PPP2R2C: variants seen among roughly 807,000 people sequenced by gnomAD.
The protein encoded by PPP2R2C is protein phosphatase 2 regulatory subunit Bgamma, also known as protein phosphatase 2, regulatory subunit B, gamma.
Under a neutral mutation model 45.3 loss-of-function variants are expected in PPP2R2C, and 10 were observed. The ratio of observed to expected loss-of-function variants is 0.22; its 90% CI spans 0.14 to 0.37. The LOEUF is 0.37. Among genes scored for constraint, PPP2R2C ranks in the 10% least tolerant of loss-of-function variants. The pLI, the probability that PPP2R2C is intolerant of heterozygous loss-of-function variation, is 1.00. For synonymous variants in PPP2R2C, 257 were observed against 245.4 expected, an observed-to-expected ratio of 1.05 and a Z score of -0.44; for missense variants, 308 against 619.7, an observed-to-expected ratio of 0.50 and a Z score of 5.34.
chr4:6,439,386 T>C (rs1010186376), intron 1 of PPP2R2C, among the ~76,000 whole-genome samples: 3 of 152,230 alleles, frequency 2.0e-5, no homozygotes, highest in African/African-American at 7.2e-5. Context: ...CTTTTCCAGT[T>C]TCTAATGCTC....
At chr4:6,411,602 G>C (rs1300290834) in intron 1 of PPP2R2C, among the ~76,000 whole-genome samples, 6 of 148,912 alleles carry the variant, frequency 4.0e-5, no homozygotes, top group African/African-American at 1.5e-4. Flanking sequence ...GCCCAGGCTG[G>C]AGTGCAGTGG....
At chr4:6,334,866 C>CCCT (rs1732719705) in intron 6 of PPP2R2C, among the ~76,000 whole-genome samples, 1 of 152,194 alleles carries the variant, frequency 6.6e-6, no homozygotes, top group Non-Finnish European at 1.5e-5. Flanking sequence ...CCCGAGAGGC[C>CCCT]CCTCCCTGCT....
At chr4:6,380,710 C>T (rs1023142463) in intron 2 of PPP2R2C, among the ~76,000 whole-genome samples, 1 of 152,072 alleles carries the variant, frequency 6.6e-6, no homozygotes, top group African/African-American at 2.4e-5. Flanking sequence ...CTTTGCCAGC[C>T]CACCCAGTGC....
chr4:6,348,632 C>T (rs1712235239), intron 5 of PPP2R2C: 2 of 985,016 alleles, frequency 2.0e-6, no homozygotes, highest in Admixed American at 6.2e-5. Context: ...CTCTCCAGAC[C>T]CCAGGACTTG....
chr4:6,349,078 T>C, intron 5 of PPP2R2C: 9 of 985,348 alleles, frequency 9.1e-6, no homozygotes, highest in Non-Finnish European at 1.1e-5. Context: ...TCAGAATCTC[T>C]TGGAGCATGC....
At chr4:6,450,941 A>G (rs1332591097) in intron 1 of PPP2R2C, among the ~76,000 whole-genome samples, 1 of 151,948 alleles carries the variant, frequency 6.6e-6, no homozygotes, top group Non-Finnish European at 1.5e-5. Context: ...GTCTGGAATG[A>G]CTCAGGGACT....
upstream of PPP2R2C, among the ~76,000 whole-genome samples, chr4:6,477,543 G>A (rs1024318157): frequency 1.1e-4 from 17 of 151,888 alleles, no homozygotes; most frequent in South Asian, 4.2e-4. Context: ...TGGCTAACAC[G>A]GTGAAACCCC....
chr4:6,350,732 C>T, intron 5 of PPP2R2C: 1 of 985,320 alleles, frequency 1.0e-6, no homozygotes, highest in Non-Finnish European at 1.2e-6. Context: ...GTTGCTTCTG[C>T]CAATGAATAG....
intron 1 of PPP2R2C, among the ~76,000 whole-genome samples, chr4:6,437,497 A>T (rs1577182322): frequency 6.6e-6 from 1 of 152,178 alleles, no homozygotes; most frequent in Non-Finnish European, 1.5e-5. Context: ...GAAGTTAGGG[A>T]CAGAGCTCTT....
In PPP2R2C at chr4:6,330,404, T is replaced by C. The variant is rs78737267; in HGVS notation, c.961-1051A>G. On this transcript the variant is annotated intron_variant, in intron 7 of 8. Transcript: ENST00000382599. The surrounding 1 kb of genome is among the most constrained non-coding windows in gnomAD (Gnocchi z 7.0). Reference sequence around the variant, plus strand: ...GCTTGGCTGGGCCAAGGTACCCAGATACTTGGTGTTTCTGTGAAGACATTT... The same window carrying C: ...GCTTGGCTGGGCCAAGGTACCCAGACACTTGGTGTTTCTGTGAAGACATTT... Among the ~76,000 whole-genome samples, 637 of 152,324 alleles carry C rather than the reference T, an allele frequency of 4.2e-3. 4 individuals carry two copies. The highest frequency in any genetic ancestry group is 0.027 in the Middle Eastern group (8 of 294).
In PPP2R2C at chr4:6,470,601, G is replaced by A. The variant is rs111686842; in HGVS notation, c.70+1559C>T. On this transcript the variant is annotated intron_variant, in intron 1 of 8. Transcript: ENST00000382599. Reference sequence around the variant, plus strand: ...ACCTGCCAAGATCCGCTCTCGGCCCGAGCCAGGCCACCGAGGCACGGGCCA... The same window carrying A: ...ACCTGCCAAGATCCGCTCTCGGCCCAAGCCAGGCCACCGAGGCACGGGCCA... Among the ~76,000 whole-genome samples the A allele has an allele frequency of 4.9e-3, 750 of 152,300 alleles. 8 individuals are homozygous for A. Among genetic ancestry groups the A allele is most frequent in the Middle Eastern group, 6.8e-3 (2 of 294 alleles).
At chr4:6,323,850 AGGAG>A in intron 8 of PPP2R2C, among the ~76,000 whole-genome samples, 1 of 151,600 alleles carries the variant, frequency 6.6e-6, no homozygotes, top group East Asian at 2.0e-4. Flanking sequence ...CTGGGGAGGC[AGGAG>A]GATCACCTGA....
intron 2 of PPP2R2C, among the ~76,000 whole-genome samples, chr4:6,501,981 G>C (rs1723071190): frequency 6.6e-6 from 1 of 152,210 alleles, no homozygotes; most frequent in Middle Eastern, 3.2e-3. Context: ...GATGGAAGAG[G>C]ATTTGGTCTG....
At chr4:6,456,565 G>A (rs992916755) in intron 1 of PPP2R2C, among the ~76,000 whole-genome samples, 1 of 152,120 alleles carries the variant, frequency 6.6e-6, no homozygotes, top group African/African-American at 2.4e-5. Flanking sequence ...GTCGGCGTAG[G>A]AACCACATCA....
chr4:6,363,087 G>A (rs1225945984), intron 5 of PPP2R2C, among the ~76,000 whole-genome samples: 3 of 152,160 alleles, frequency 2.0e-5, no homozygotes, highest in East Asian at 1.9e-4. Context: ...TGACCTCGAC[G>A]CAATGGCTCA....
intron 2 of PPP2R2C, among the ~76,000 whole-genome samples, chr4:6,501,396 C>A (rs946240244): frequency 1.3e-5 from 2 of 152,118 alleles, no homozygotes; most frequent in African/African-American, 4.8e-5. Flanking sequence ...TGAAATCACA[C>A]CCCCTCTCAA....
intron 1 of PPP2R2C, among the ~76,000 whole-genome samples, chr4:6,462,986 C>G (rs1158784305): frequency 6.6e-6 from 1 of 152,220 alleles, no homozygotes; most frequent in Non-Finnish European, 1.5e-5. Context: ...AGCGGCATCT[C>G]TCCCTTCTCT....
Position 6,323,408 on chromosome 4 carries a change from T to C in PPP2R2C, c.1238A>G (p.Lys413Arg), listed in dbSNP as rs1270935998. ...GTGCCAGGCCGTGTGCAGGATCTTC[T>C]TGGTGAAGTCCAAGCTGTCCACACT... ...DISVDSLDFT[K>R]KILHTAWHPA... The change falls in exon 9 of 9, where the codon AAG becomes AGG. Residue 413 changes from lysine (K) to arginine (R), a missense_variant. Lys to Arg is a conservative substitution (Grantham distance 26, BLOSUM62 2). Transcript: ENST00000382599. The C allele has an allele frequency of 6.2e-7, 1 of 1,614,090 alleles. No individual in the cohort carries two copies. The highest frequency in any genetic ancestry group is 8.5e-7 in the Non-Finnish European group (1 of 1,179,940).
intron 1 of PPP2R2C, among the ~76,000 whole-genome samples, chr4:6,411,046 T>C (rs1426602037): frequency 6.6e-6 from 1 of 151,764 alleles, no homozygotes; most frequent in Non-Finnish European, 1.5e-5. Context: ...AATTTGTGTA[T>C]TTTTTGTAGA....
Sources: allele counts gnomAD v4.1 joint callset (sites outside exome capture counted in the v4.1 genomes callset), GRCh38; gene constraint gnomAD v4.1.1; non-coding constraint Gnocchi (gnomAD v3.1); transcripts MANE v1.5; gene names NCBI Gene and HGNC (gene_info 2026-07-23, HGNC 2026-07-21).